The following ZNF169 variants were observed in gnomAD, a reference collection of about 807,000 sequenced individuals.
The protein encoded by ZNF169 is zinc finger protein 169.
A neutral mutation model predicts 12.0 loss-of-function variants in ZNF169; 11 were observed. That is an observed-to-expected ratio of 0.92 (90% confidence interval 0.58 to 1.52). The LOEUF (loss-of-function observed/expected upper bound fraction) is 1.52, where lower values mean the gene tolerates loss of function less well. ZNF169 is among the 40% of genes most tolerant of loss of function. The pLI is 0.00. For missense variants in ZNF169, 722 were observed against 744.0 expected, an observed-to-expected ratio of 0.97 and a Z score of 0.34; for synonymous variants, 302 against 286.5, an observed-to-expected ratio of 1.05 and a Z score of -0.55.
intron 1 of ZNF169, among the ~76,000 whole-genome samples, chr9:94,272,807 CTACA>C (rs1830446583): frequency 6.6e-6 from 1 of 152,094 alleles, no homozygotes; most frequent in Non-Finnish European, 1.5e-5. Flanking sequence ...TCTGTAGTGG[CTACA>C]CCATTTTACA....
intron 1 of ZNF169, among the ~76,000 whole-genome samples, chr9:94,273,339 A>G (rs1272008549): frequency 1.3e-5 from 2 of 150,746 alleles, no homozygotes; most frequent in East Asian, 3.9e-4. Context: ...TAGGAGTTTT[A>G]TAGTTTCAGG....
intron 1 of ZNF169, among the ~76,000 whole-genome samples, chr9:94,275,119 C>T (rs1830497773): frequency 6.6e-6 from 1 of 152,130 alleles, no homozygotes; most frequent in African/African-American, 2.4e-5. Flanking sequence ...CATCTGTAGC[C>T]ACAGCTACTC....
chr9:94,262,911 C>A (rs1412414656), intron 1 of ZNF169, among the ~76,000 whole-genome samples: 3 of 152,220 alleles, frequency 2.0e-5, no homozygotes, highest in Non-Finnish European at 4.4e-5. Flanking sequence ...GGGTTTCTAG[C>A]TATTCTTACT....
intron 1 of ZNF169, among the ~76,000 whole-genome samples, chr9:94,262,960 G>A (rs945775752): frequency 2.6e-5 from 4 of 152,276 alleles, no homozygotes; most frequent in Non-Finnish European, 5.9e-5. Flanking sequence ...AAGAACAAAT[G>A]ATGTAGAATG....
chr9:94,260,808 C>CTACA (rs1830189175), intron 1 of ZNF169, among the ~76,000 whole-genome samples: 1 of 141,560 alleles, frequency 7.1e-6, no homozygotes, highest in African/African-American at 2.6e-5. Context: ...GCATCCAAAC[C>CTACA]TACATTTTTT....
In ZNF169 at chr9:94,301,214, C is replaced by CT; in HGVS notation, c.1659dup (p.Lys554Ter). ...GCGATGAATGTGGGCGCGGCTTTGGCTTTAAGTCTGCCCTCATCCGACATC... is the reference window on the plus strand; with the variant it reads ...GCGATGAATGTGGGCGCGGCTTTGGCTTTTAAGTCTGCCCTCATCCGACATC... On this transcript the variant is annotated frameshift_variant, in exon 5 of 5. Transcript: ENST00000395395. LOFTEE classifies it low-confidence loss of function (END_TRUNC). 1.2e-6 allele frequency: 2 copies of CT among 1,614,054 alleles called. No homozygotes were observed. The highest frequency in any genetic ancestry group is 1.1e-5 in the South Asian group (1 of 91,078).
intron 1 of ZNF169, among the ~76,000 whole-genome samples, chr9:94,267,599 C>T (rs569506863): frequency 1.3e-5 from 2 of 152,262 alleles, no homozygotes; most frequent in East Asian, 3.9e-4. Flanking sequence ...CTGTTAATAG[C>T]TCAGAAGAAA....
intron 2 of ZNF169, among the ~76,000 whole-genome samples, chr9:94,286,194 A>G (rs190571088): frequency 4.5e-4 from 69 of 152,298 alleles, no homozygotes; most frequent in Admixed American, 1.4e-3. Flanking sequence ...ACAACATTTA[A>G]CATATCGCAA....
intron 1 of ZNF169, among the ~76,000 whole-genome samples, chr9:94,277,864 G>A (rs941621413): frequency 1.3e-5 from 2 of 151,350 alleles, no homozygotes; most frequent in South Asian, 2.1e-4. Flanking sequence ...CCCGGGAGGC[G>A]GAGCTTGCAG....
At chr9:94,279,991 A>T (rs1830599122) in intron 2 of ZNF169, among the ~76,000 whole-genome samples, 1 of 152,240 alleles carries the variant, frequency 6.6e-6, no homozygotes. Flanking sequence ...CTGACAACAT[A>T]AATAGCTGCC....
At chr9:94,283,275 G>A (rs1242638891) in intron 2 of ZNF169, among the ~76,000 whole-genome samples, 1 of 152,144 alleles carries the variant, frequency 6.6e-6, no homozygotes, top group African/African-American at 2.4e-5. Context: ...TGGGCATGTG[G>A]CATGCGCCTG....
intron 2 of ZNF169, among the ~76,000 whole-genome samples, chr9:94,280,563 T>C (rs2118600955): frequency 6.6e-6 from 1 of 152,318 alleles, no homozygotes; most frequent in East Asian, 1.9e-4. Context: ...GAAACAGCAT[T>C]CAAACATAAA....
chr9:94,269,168 A>G (rs539774561), intron 1 of ZNF169, among the ~76,000 whole-genome samples: 1 of 152,274 alleles, frequency 6.6e-6, no homozygotes, highest in Admixed American at 6.5e-5. Context: ...TAAGACAGAT[A>G]CACAAAGAAG....
At chr9:94,291,624 G>T (rs1162314393) in intron 2 of ZNF169, among the ~76,000 whole-genome samples, 1 of 152,070 alleles carries the variant, frequency 6.6e-6, no homozygotes, top group Non-Finnish European at 1.5e-5. Flanking sequence ...TAGTCAGCTT[G>T]CCGTATAGAA....
chr9:94,278,547 C>T (rs1321747565), intron 1 of ZNF169, among the ~76,000 whole-genome samples: 2 of 152,226 alleles, frequency 1.3e-5, no homozygotes, highest in African/African-American at 4.8e-5. Context: ...GCTTCATTCC[C>T]TAACTAGAGT....
At chr9:94,296,929 C>CGGAGCT (rs1319770701) in intron 4 of ZNF169, 8 of 411,200 alleles carry the variant, frequency 1.9e-5, no homozygotes, top group Non-Finnish European at 3.8e-5. Context: ...CACCTGTAAT[C>CGGAGCT]ACAGCTACTC....
chr9:94,300,558 C>A lies in ZNF169; in HGVS notation c.1000C>A (p.Leu334Ile). 1 of 1,613,614 alleles carries A rather than the reference C, an allele frequency of 6.2e-7. No homozygotes were observed. The highest frequency in any genetic ancestry group is 1.1e-5 in the South Asian group (1 of 91,058). Residue 334 changes from leucine (L) to isoleucine (I), a missense_variant, in exon 5 of 5, where the codon CTT becomes ATT. Leu to Ile is a conservative substitution (Grantham distance 5). Transcript: ENST00000395395. Reference sequence around the variant, plus strand: ...AGGCTTTCGCCAGAAGATAGCCCTCCTTCTACACCAGAGGACGCACTTGGA... The same window carrying A: ...AGGCTTTCGCCAGAAGATAGCCCTCATTCTACACCAGAGGACGCACTTGGA... ...GRGFRQKIAL[L>I]LHQRTHLEEK... is the part of the protein sequence containing the mutation.
intron 1 of ZNF169, among the ~76,000 whole-genome samples, chr9:94,273,370 A>AC (rs929057619): frequency 1.3e-4 from 20 of 149,886 alleles, no homozygotes; most frequent in African/African-American, 4.9e-4. Context: ...AGCAATTTTA[A>AC]TTTTTTTTGC....
chr9:94,282,377 C>T (rs1193129016), intron 2 of ZNF169, among the ~76,000 whole-genome samples: 2 of 152,090 alleles, frequency 1.3e-5, no homozygotes, highest in South Asian at 2.1e-4. Context: ...GGGAGACATG[C>T]GACGACGTCA....
Sources: allele counts gnomAD v4.1 joint callset (sites outside exome capture counted in the v4.1 genomes callset), GRCh38; gene constraint gnomAD v4.1.1; transcripts MANE v1.5; gene names NCBI Gene and HGNC (gene_info 2026-07-23, HGNC 2026-07-21).